Variants in PRKCH observed in about 807,000 individuals in gnomAD.
PRKCH encodes the protein protein kinase C eta type.
In PRKCH, 28 loss-of-function variants were observed where a neutral mutation model predicts 82.5. That is an observed-to-expected ratio of 0.34 (90% CI 0.25 to 0.47). The LOEUF (loss-of-function observed/expected upper bound fraction) is 0.47, where lower values mean the gene tolerates loss of function less well. PRKCH is among the 20% of genes least tolerant of loss of function. The pLI is 1.00. For synonymous variants in PRKCH, 322 were observed against 327.4 expected (o/e 0.98, Z 0.18); for missense variants, 705 against 881.8 (o/e 0.80, Z 2.54).
At chr14:61,200,319 C>T (rs940278079) in intron 1 of PRKCH, among the ~76,000 whole-genome samples, 3 of 152,110 alleles carry the variant, frequency 2.0e-5, no homozygotes, top group Non-Finnish European at 4.4e-5. Context: ...CATTATAATT[C>T]CCTCTACCAG....
chr14:61,363,809 G>A (rs1003564090), intron 1 of PRKCH, among the ~76,000 whole-genome samples: 30 of 151,708 alleles, frequency 2.0e-4, no homozygotes, highest in Admixed American at 1.4e-3. Context: ...AGGGATGGAG[G>A]GAAGAGGAAA....
chr14:61,329,080 G>A lies in PRKCH; in HGVS notation c.363+6616G>A, dbSNP rs115021142. 4.0e-3 allele frequency among the ~76,000 whole-genome samples: 605 copies of A among 151,536 alleles called. 3 individuals are homozygous for A. Among genetic ancestry groups the A allele is most frequent in the African/African-American group, 0.014 (559 of 41,328 alleles). ...CACTTTATTAGAATGTGATAAAAAT[G>A]AGACCTAAGTGGAAACAATCCCTGT... On this transcript the variant is annotated intron_variant, in intron 1 of 13. Transcript: ENST00000332981.
chr14:61,394,525 T>C (rs570080827), intron 2 of PRKCH, among the ~76,000 whole-genome samples: 3 of 152,260 alleles, frequency 2.0e-5, no homozygotes, highest in Middle Eastern at 6.8e-3. Flanking sequence ...TTCTCTCTCA[T>C]TCGAGCTGAA....
intron 9 of PRKCH, among the ~76,000 whole-genome samples, chr14:61,473,013 C>T (rs188567511): frequency 9.3e-4 from 141 of 152,242 alleles, no homozygotes; most frequent in Admixed American, 2.9e-3. Context: ...GATTGATCCT[C>T]GTGGAGGTTG....
At chr14:61,225,768 T>C (rs868839158) in intron 1 of PRKCH, among the ~76,000 whole-genome samples, 1 of 151,960 alleles carries the variant, frequency 6.6e-6, no homozygotes, top group Non-Finnish European at 1.5e-5. Flanking sequence ...AGACAGGGTC[T>C]TGCTCTGTTG....
At chr14:61,266,311 G>A (rs1212109527) in intron 1 of PRKCH, among the ~76,000 whole-genome samples, 2 of 151,924 alleles carry the variant, frequency 1.3e-5, no homozygotes, top group African/African-American at 4.8e-5. Flanking sequence ...CCAGCTACTC[G>A]GGAGGCTGAG....
intron 1 of PRKCH, among the ~76,000 whole-genome samples, chr14:61,206,414 T>C (rs908676123): frequency 2.0e-5 from 3 of 152,204 alleles, no homozygotes; most frequent in African/African-American, 7.2e-5. Context: ...CCTCTTCTTA[T>C]AGGAAACCAA....
At chr14:61,357,262 G>A (rs1288299690) in intron 1 of PRKCH, among the ~76,000 whole-genome samples, 3 of 152,186 alleles carry the variant, frequency 2.0e-5, no homozygotes, top group Admixed American at 2.0e-4. Flanking sequence ...TGCAGTTACT[G>A]TTCTTCTTAA....
intron 2 of PRKCH, among the ~76,000 whole-genome samples, chr14:61,396,964 T>C (rs2046794939): frequency 6.6e-6 from 1 of 152,146 alleles, no homozygotes. Flanking sequence ...TGTAGGCTAA[T>C]AGAAATGATA....
chr14:61,290,616 G>A (rs2045352820), intron 1 of PRKCH, among the ~76,000 whole-genome samples: 1 of 152,170 alleles, frequency 6.6e-6, no homozygotes, highest in South Asian at 2.1e-4. Flanking sequence ...CTATCCTTGG[G>A]CTTCTAAGAA....
At chr14:61,360,717 C>G (rs2046213924) in intron 1 of PRKCH, among the ~76,000 whole-genome samples, 1 of 152,118 alleles carries the variant, frequency 6.6e-6, no homozygotes, top group Non-Finnish European at 1.5e-5. Context: ...CCCCAGTTAC[C>G]CAACCCACTT....
At chr14:61,447,009 A>G (rs1884258451) in intron 4 of PRKCH, among the ~76,000 whole-genome samples, 1 of 152,254 alleles carries the variant, frequency 6.6e-6, no homozygotes, top group Admixed American at 6.5e-5. Context: ...AGACATGCAG[A>G]CACCACTTTG....
chr14:61,394,296 G>C (rs1021805566), intron 2 of PRKCH, among the ~76,000 whole-genome samples: 1 of 151,976 alleles, frequency 6.6e-6, no homozygotes, highest in South Asian at 2.1e-4. Flanking sequence ...GTTACAATTT[G>C]GGGGGGTGTT....
At chr14:61,265,505 C>T (rs1291017357) in intron 1 of PRKCH, among the ~76,000 whole-genome samples, 1 of 152,058 alleles carries the variant, frequency 6.6e-6, no homozygotes, top group Admixed American at 6.6e-5. Context: ...AAAACCCTCA[C>T]TTTACAGAGG....
At chr14:61,272,344 CTTTTTTT>C (rs1162331604) in intron 1 of PRKCH, among the ~76,000 whole-genome samples, 60 of 23,610 alleles carry the variant, frequency 2.5e-3, no homozygotes, top group South Asian at 0.012. Context: ...TTTTTTCTTT[CTTTTTTT>C]TTTTTTTTTT....
chr14:61,329,148 T>G (rs2045745480), intron 1 of PRKCH, among the ~76,000 whole-genome samples: 1 of 151,892 alleles, frequency 6.6e-6, no homozygotes, highest in Admixed American at 6.6e-5. Context: ...CAAAATAGTC[T>G]TTCTCAATTG....
intron 10 of PRKCH, among the ~76,000 whole-genome samples, chr14:61,493,521 A>T (rs1036592267): frequency 1.3e-5 from 2 of 152,214 alleles, no homozygotes; most frequent in African/African-American, 4.8e-5. Flanking sequence ...GAAATACAGT[A>T]TTACAAGTGG....
chr14:61,287,429 G>A (rs535134723), intron 1 of PRKCH, among the ~76,000 whole-genome samples: 1 of 151,770 alleles, frequency 6.6e-6, no homozygotes, highest in Non-Finnish European at 1.5e-5. Flanking sequence ...AGTGAATTAG[G>A]GCCACGCCCG....
At chr14:61,446,200 G>C (rs915417897) in intron 4 of PRKCH, among the ~76,000 whole-genome samples, 2 of 149,356 alleles carry the variant, frequency 1.3e-5, no homozygotes, top group Admixed American at 6.7e-5. Flanking sequence ...AGTGAGAAAT[G>C]TTCAAAGTTA....
Sources: allele counts gnomAD v4.1 joint callset (sites outside exome capture counted in the v4.1 genomes callset), GRCh38; gene constraint gnomAD v4.1.1; transcripts MANE v1.5; gene names NCBI Gene and HGNC (gene_info 2026-07-23, HGNC 2026-07-21).